ELMO1: variants seen among roughly 807,000 people sequenced by gnomAD.
The protein encoded by ELMO1 is engulfment and cell motility 1.
A neutral mutation model predicts 98.9 loss-of-function variants in ELMO1; 26 were observed. That is an observed-to-expected ratio of 0.26 (90% CI 0.19 to 0.36). The LOEUF is 0.36. Among genes scored for constraint, ELMO1 ranks in the 10% least tolerant of loss-of-function variants. The pLI is 1.00. For synonymous variants in ELMO1, 346 were observed against 346.0 expected (o/e 1.00, Z 0.00); for missense variants, 627 against 935.2 (o/e 0.67, Z 4.30).
rs774850840 is a variant in ELMO1 at position 37,378,460 on chromosome 7, CTGA to C, written c.-73-35700_-73-35698del. ...TGCATGCAAAAGAATGTCCAGAAAACTGATACGAAAATAGAAAGAGGGGTTACC... is the reference window on the plus strand; with the variant it reads ...TGCATGCAAAAGAATGTCCAGAAAACTACGAAAATAGAAAGAGGGGTTACC... On this transcript the variant is annotated intron_variant, in intron 1 of 21. Coordinates refer to ENST00000310758, the MANE Select transcript of ELMO1 (RefSeq NM_014800.11). Among the ~76,000 whole-genome samples the C allele has an allele frequency of 5.7e-4, 86 of 152,072 alleles. 1 individual carries two copies. The highest frequency in any genetic ancestry group is 5.4e-4 in the Non-Finnish European group (37 of 68,006).
At chr7:37,146,533 C>T (rs1359052810) in intron 13 of ELMO1, among the ~76,000 whole-genome samples, 1 of 152,142 alleles carries the variant, frequency 6.6e-6, no homozygotes, top group African/African-American at 2.4e-5. Context: ...ATGGGCCCCA[C>T]CACTCTCTCC....
At chr7:37,029,883 T>C (rs1794779370) in intron 15 of ELMO1, among the ~76,000 whole-genome samples, 1 of 152,200 alleles carries the variant, frequency 6.6e-6, no homozygotes, top group South Asian at 2.1e-4. Flanking sequence ...TTTAAAACCT[T>C]AGTTTCCTCC....
intron 1 of ELMO1, among the ~76,000 whole-genome samples, chr7:37,350,202 T>C (rs1801197751): frequency 6.6e-6 from 1 of 152,204 alleles, no homozygotes; most frequent in South Asian, 2.1e-4. Context: ...GAACAGAACA[T>C]GCAAGCACTC....
chr7:37,033,009 G>C (rs1366165229), intron 15 of ELMO1, among the ~76,000 whole-genome samples: 1 of 152,096 alleles, frequency 6.6e-6, no homozygotes, highest in Admixed American at 6.6e-5. Context: ...CTTCATCTTA[G>C]CCAAAACGCC....
At chr7:37,025,340 C>T (rs1384726711) in intron 15 of ELMO1, among the ~76,000 whole-genome samples, 1 of 152,190 alleles carries the variant, frequency 6.6e-6, no homozygotes, top group Non-Finnish European at 1.5e-5. Context: ...TACTTATCTT[C>T]TGGGAGTGGT....
chr7:37,379,860 G>A (rs1802514356), intron 1 of ELMO1, among the ~76,000 whole-genome samples: 2 of 152,168 alleles, frequency 1.3e-5, no homozygotes, highest in Admixed American at 1.3e-4. Context: ...GCAGACCTTA[G>A]GCCAGTTTCA....
At chr7:37,063,030 G>A (rs1426050364) in intron 15 of ELMO1, among the ~76,000 whole-genome samples, 2 of 152,200 alleles carry the variant, frequency 1.3e-5, no homozygotes, top group African/African-American at 4.8e-5. Flanking sequence ...GGCCCAGGAT[G>A]AGAATTTATT....
chr7:37,189,280 G>A (rs1461677339), intron 13 of ELMO1, among the ~76,000 whole-genome samples: 1 of 152,174 alleles, frequency 6.6e-6, no homozygotes, highest in African/African-American at 2.4e-5. Context: ...TACATCCTTA[G>A]AAGAATCAGA....
intron 14 of ELMO1, among the ~76,000 whole-genome samples, chr7:37,132,788 C>A (rs1430268058): frequency 2.0e-5 from 3 of 152,130 alleles, no homozygotes; most frequent in Non-Finnish European, 4.4e-5. Context: ...GACTCAACAG[C>A]CTCTGAATTT....
chr7:37,120,031 A>G (rs1473365822), intron 14 of ELMO1, among the ~76,000 whole-genome samples: 1 of 152,260 alleles, frequency 6.6e-6, no homozygotes, highest in Non-Finnish European at 1.5e-5. Flanking sequence ...AACAGTTTCC[A>G]AGATTTACTT....
chr7:37,182,587 CCT>C (rs999204351), intron 13 of ELMO1, among the ~76,000 whole-genome samples: 2 of 150,830 alleles, frequency 1.3e-5, no homozygotes, highest in African/African-American at 4.9e-5. Flanking sequence ...CCCTCCCCCT[CCT>C]CTCTCTCTTC....
chr7:37,089,181 T>G (rs1223668582), intron 15 of ELMO1, among the ~76,000 whole-genome samples: 1 of 152,236 alleles, frequency 6.6e-6, no homozygotes, highest in Non-Finnish European at 1.5e-5. Context: ...TCCTTCAGGT[T>G]GCTCATCTGT....
chr7:37,329,082 A>G (rs1378113256), intron 2 of ELMO1, among the ~76,000 whole-genome samples: 1 of 152,242 alleles, frequency 6.6e-6, no homozygotes, highest in Non-Finnish European at 1.5e-5. Context: ...AGTCAGTGCT[A>G]TCTGGATTTC....
intron 16 of ELMO1, among the ~76,000 whole-genome samples, chr7:36,898,680 C>T (rs1021539886): frequency 6.6e-6 from 1 of 152,208 alleles, no homozygotes; most frequent in African/African-American, 2.4e-5. Context: ...TACTGAGGCT[C>T]CACGTGCTCC....
rs188193894 is a variant in ELMO1, at chr7:37,434,135, T to G, written c.-74+14540A>C. ...CACTGAAAGAAAATCCCCCCAGTAT[T>G]GGGAGAACAGATCCAGGTTCAAACC... is the stretch of plus-strand genomic sequence containing the variant. On this transcript the variant is annotated intron_variant, in intron 1 of 21. Coordinates refer to ENST00000310758, the MANE Select transcript of ELMO1 (RefSeq NM_014800.11). Among the ~76,000 whole-genome samples, 9 of 152,274 alleles carry G rather than the reference T, an allele frequency of 5.9e-5. No individual in the cohort carries two copies. The East Asian group carries it at 1.7e-3, about 29-fold the overall frequency.
chr7:37,124,356 C>A (rs185705450), intron 14 of ELMO1, among the ~76,000 whole-genome samples: 38 of 152,324 alleles, frequency 2.5e-4, no homozygotes, highest in Admixed American at 9.8e-4. Flanking sequence ...TCCCTGTTTG[C>A]AGATGACATG....
intron 6 of ELMO1, among the ~76,000 whole-genome samples, chr7:37,253,509 T>C (rs896535134): frequency 1.3e-5 from 2 of 152,142 alleles, no homozygotes; most frequent in African/African-American, 4.8e-5. Context: ...TTCTCACTTG[T>C]AAGCGGGAGT....
intron 1 of ELMO1, among the ~76,000 whole-genome samples, chr7:37,379,040 C>T (rs1802480794): frequency 6.9e-6 from 1 of 145,384 alleles, no homozygotes; most frequent in Non-Finnish European, 1.5e-5. Flanking sequence ...GCATCACATT[C>T]TTCTTCTTTT....
intron 10 of ELMO1, among the ~76,000 whole-genome samples, chr7:37,218,319 A>G (rs1193898238): frequency 6.6e-6 from 1 of 152,234 alleles, no homozygotes; most frequent in Non-Finnish European, 1.5e-5. Context: ...TCTGTTTACA[A>G]TATTTATTGT....
Sources: allele counts gnomAD v4.1 joint callset (sites outside exome capture counted in the v4.1 genomes callset), GRCh38; gene constraint gnomAD v4.1.1; transcripts MANE v1.5; gene names NCBI Gene and HGNC (gene_info 2026-07-23, HGNC 2026-07-21).